The following PEX5L variants were observed in gnomAD, a reference collection of about 807,000 sequenced individuals.
PEX5L encodes the protein PEX5-related protein.
PEX5L carries 30 observed loss-of-function variants against 84.0 expected under a neutral mutation model. The observed-to-expected ratio is 0.36, with a 90% CI of 0.27 to 0.48. The LOEUF (loss-of-function observed/expected upper bound fraction) is 0.48, where lower values mean the gene tolerates loss of function less well. Among genes scored for constraint, PEX5L ranks in the 20% least tolerant of loss-of-function variants. The pLI, the probability that PEX5L is intolerant of heterozygous loss-of-function variation, is 0.99. For missense variants in PEX5L, 533 were observed against 754.6 expected (o/e 0.71, Z 3.44); for synonymous variants, 270 against 283.1 (o/e 0.95, Z 0.46).
Position 179,980,664 on chromosome 3 carries a change from C to T in PEX5L, c.22-8999G>A, listed in dbSNP as rs556386638. Reference sequence around the variant, plus strand: ...AAGAATTCTATACTCTTCTGAGCTACAAGATATGTAGGAACAAGAAAGATC... The same window carrying T: ...AAGAATTCTATACTCTTCTGAGCTATAAGATATGTAGGAACAAGAAAGATC... On this transcript the variant is annotated intron_variant, in intron 1 of 14. Transcript: ENST00000467460. Among the ~76,000 whole-genome samples, 4 of 152,244 alleles carry T rather than the reference C, an allele frequency of 2.6e-5. No individual in the cohort carries two copies. The East Asian group carries it at 5.8e-4, about 22-fold the overall frequency.
At chr3:180,032,051 AT>A (rs1376002775) in intron 1 of PEX5L, among the ~76,000 whole-genome samples, 1 of 152,222 alleles carries the variant, frequency 6.6e-6, no homozygotes, top group Non-Finnish European at 1.5e-5. Flanking sequence ...AGATTTTCAG[AT>A]TAATCAAGTA....
intron 2 of PEX5L, among the ~76,000 whole-genome samples, chr3:179,901,429 C>T (rs949954317): frequency 2.0e-5 from 3 of 152,168 alleles, no homozygotes; most frequent in African/African-American, 7.2e-5. Context: ...ACTGAATATA[C>T]ATTCAAGCAT....
chr3:179,872,598 C>T (rs1193141924), intron 7 of PEX5L, among the ~76,000 whole-genome samples: 1 of 152,124 alleles, frequency 6.6e-6, no homozygotes, highest in Non-Finnish European at 1.5e-5. Context: ...GGGACGAAAT[C>T]AGACAACCAG....
intron 2 of PEX5L, among the ~76,000 whole-genome samples, chr3:179,919,391 C>A (rs1768445804): frequency 6.6e-6 from 1 of 152,150 alleles, no homozygotes; most frequent in African/African-American, 2.4e-5. Flanking sequence ...TTGTGAAAAC[C>A]TTTCCCAGAC....
intron 8 of PEX5L, among the ~76,000 whole-genome samples, chr3:179,847,059 ATGTG>A (rs749528776): frequency 6.3e-5 from 7 of 111,914 alleles, no homozygotes; most frequent in African/African-American, 2.1e-4. Context: ...CCCTTTCTCC[ATGTG>A]TGTGTGTGTG....
chr3:180,033,699 C>T (rs1791656474), intron 1 of PEX5L, among the ~76,000 whole-genome samples: 1 of 152,112 alleles, frequency 6.6e-6, no homozygotes, highest in South Asian at 2.1e-4. Flanking sequence ...ATCATCAGTG[C>T]CCTTGGTCAA....
At chr3:179,956,674 G>A (rs956046935) in intron 2 of PEX5L, among the ~76,000 whole-genome samples, 3 of 152,156 alleles carry the variant, frequency 2.0e-5, no homozygotes, top group Non-Finnish European at 4.4e-5. Context: ...CCGTGTTTGT[G>A]GTTTGGCTGT....
chr3:179,979,420 A>C (rs563715548), intron 1 of PEX5L, among the ~76,000 whole-genome samples: 15 of 152,330 alleles, frequency 9.8e-5, no homozygotes, highest in Non-Finnish European at 1.3e-4. Context: ...GCTGAAGATA[A>C]TGATGATTGA....
chr3:179,970,463 C>T (rs1524508), intron 2 of PEX5L, among the ~76,000 whole-genome samples: 3 of 151,888 alleles, frequency 2.0e-5, no homozygotes, highest in African/African-American at 7.3e-5. Context: ...CCTGTTTTAC[C>T]CAGGAGCAGG....
At chr3:179,975,904 T>G (rs918084170) in intron 1 of PEX5L, among the ~76,000 whole-genome samples, 1 of 152,220 alleles carries the variant, frequency 6.6e-6, no homozygotes, top group Admixed American at 6.5e-5. Context: ...GAAAAGATAC[T>G]TGCTGAGTTT....
intron 2 of PEX5L, chr3:179,921,829 T>A (rs1157651802): frequency 6.6e-6 from 1 of 152,180 alleles, no homozygotes; most frequent in Non-Finnish European, 1.5e-5. Flanking sequence ...GCAGGATATA[T>A]CCACACAGCT....
At chr3:179,808,853 G>C (rs1455440546) in intron 12 of PEX5L, among the ~76,000 whole-genome samples, 1 of 151,864 alleles carries the variant, frequency 6.6e-6, no homozygotes, top group Non-Finnish European at 1.5e-5. Context: ...CGAGGCGGGC[G>C]GATCACGAGG....
At chr3:179,861,827 GC>G (rs1483219723) in intron 7 of PEX5L, among the ~76,000 whole-genome samples, 1 of 112,750 alleles carries the variant, frequency 8.9e-6, no homozygotes, top group Non-Finnish European at 1.8e-5. Context: ...CTTTGCAAAA[GC>G]AAAAGAACTT....
chr3:179,814,087 C>A (rs1020719486), intron 10 of PEX5L, among the ~76,000 whole-genome samples: 41 of 151,812 alleles, frequency 2.7e-4, no homozygotes, highest in African/African-American at 9.4e-4. Context: ...TCCCAAAGTG[C>A]TGAGATTACA....
At chr3:179,880,223 T>C (rs1393606353) in intron 4 of PEX5L, 100 bp from the exon 5 acceptor site, 3 of 662,072 alleles carry the variant, frequency 4.5e-6, no homozygotes, top group South Asian at 2.7e-5. Flanking sequence ...GTTTGTAGGA[T>C]AGGTTAGAAT....
At chr3:179,821,761 A>C (rs762909494) in intron 8 of PEX5L, among the ~76,000 whole-genome samples, 3 of 152,256 alleles carry the variant, frequency 2.0e-5, no homozygotes, top group Non-Finnish European at 2.9e-5. Flanking sequence ...TTTTTCTAGT[A>C]GAATAACACA....
chr3:179,888,875 G>A lies in PEX5L; in HGVS notation c.199-1091C>T, dbSNP rs10433359. Among the ~76,000 whole-genome samples the A allele has an allele frequency of 8.8e-3, 1,340 of 151,632 alleles. 14 individuals carry two copies. The highest frequency in any genetic ancestry group is 0.015 in the Non-Finnish European group (998 of 67,884). On this transcript the variant is annotated intron_variant, in intron 3 of 14. Transcript: ENST00000467460. ...GAACTCCTGGGCTCAAGCTATCCTC[G>A]CATCTCAGTATCCCAAATAGCTGTG...
intron 4 of PEX5L, 31 bp from the exon 5 acceptor site, chr3:179,880,154 C>T (rs1318421877): frequency 2.3e-6 from 3 of 1,313,988 alleles, no homozygotes; most frequent in Non-Finnish European, 3.2e-6. Flanking sequence ...TAAGATAAGC[C>T]CATTTACTAC....
At chr3:179,880,221 G>A (rs1753759424) in intron 4 of PEX5L, 98 bp from the exon 5 acceptor site, 2 of 686,232 alleles carry the variant, frequency 2.9e-6, no homozygotes, top group Non-Finnish European at 4.8e-6. Context: ...ATGTTTGTAG[G>A]ATAGGTTAGA....
Sources: gnomAD v4.1 joint callset for allele counts (sites outside exome capture counted in the v4.1 genomes callset) on GRCh38, gnomAD v4.1.1 for gene constraint, MANE v1.5 for transcripts, NCBI Gene and HGNC (gene_info 2026-07-23, HGNC 2026-07-21) for gene names.